The following VPS13B variants were observed in gnomAD, a reference collection of about 807,000 sequenced individuals.
VPS13B encodes the protein intermembrane lipid transfer protein VPS13B.
In VPS13B, 285 loss-of-function variants were observed where a neutral mutation model predicts 426.4. The observed-to-expected ratio is 0.67, with a 90% CI of 0.61 to 0.74. The LOEUF is 0.74. VPS13B is among the 30% of genes least tolerant of loss of function. The pLI, the probability that VPS13B is intolerant of heterozygous loss-of-function variation, is 0.00. For synonymous variants in VPS13B, 1,676 were observed against 1,676.4 expected (o/e 1.00, Z 0.01); for missense variants, 4,537 against 4,782.6 (o/e 0.95, Z 1.51).
intron 17 of VPS13B, among the ~76,000 whole-genome samples, chr8:99,238,539 C>T (rs905448421): frequency 4.6e-5 from 7 of 151,978 alleles, no homozygotes; most frequent in Non-Finnish European, 1.0e-4. Context: ...AACTTTTCCT[C>T]CAGTGTATTT....
At chr8:99,664,365 A>G (rs1369181128) in intron 35 of VPS13B, among the ~76,000 whole-genome samples, 1 of 150,906 alleles carries the variant, frequency 6.6e-6, no homozygotes, top group Non-Finnish European at 1.5e-5. Flanking sequence ...TTTGCACAAC[A>G]TGCAGGTTTG....
intron 34 of VPS13B, among the ~76,000 whole-genome samples, chr8:99,647,994 G>A (rs549589031): frequency 2.6e-4 from 40 of 152,270 alleles, no homozygotes; most frequent in Admixed American, 2.6e-4. Context: ...AATATACCAA[G>A]GTGACTACTT....
chr8:99,145,624 C>T (rs947615216), intron 13 of VPS13B, among the ~76,000 whole-genome samples: 2 of 106,364 alleles, frequency 1.9e-5, no homozygotes, highest in Admixed American at 1.4e-4. Flanking sequence ...TCTGGAGACT[C>T]ATTCAAGTTG....
chr8:99,431,419 C>A, intron 21 of VPS13B, 118 bp from the exon 22 acceptor site: 1 of 1,283,424 alleles, frequency 7.8e-7, no homozygotes, highest in African/African-American at 1.5e-5. Context: ...AATTCATAAT[C>A]TCATATAAAA....
At chr8:99,442,336 A>G (rs1817716186) in intron 22 of VPS13B, 65 bp from the exon 23 acceptor site, 1 of 1,368,920 alleles carries the variant, frequency 7.3e-7, no homozygotes, top group Non-Finnish European at 1.0e-6. Context: ...TCTGGCGAAG[A>G]TGTTAGGTGT....
intron 40 of VPS13B, among the ~76,000 whole-genome samples, chr8:99,768,173 G>C (rs114149756): frequency 6.6e-6 from 1 of 152,248 alleles, no homozygotes; most frequent in South Asian, 2.1e-4. Flanking sequence ...AGGCTATGCT[G>C]TTCATTGCTG....
chr8:99,368,831 A>G lies in VPS13B; in HGVS notation c.2825-15377A>G, dbSNP rs549821953. Among the ~76,000 whole-genome samples, 48 of 152,338 alleles carry G rather than the reference A, an allele frequency of 3.2e-4. No individual in the cohort carries two copies. In the South Asian group the frequency reaches 9.1e-3, roughly 29 times the overall value. ...TAGTTGTATTTCATGCTCCCAGAAT[A>G]AAAGATTAACTCCCTAGAATGGGCA... On this transcript the variant is annotated intron_variant, in intron 19 of 61. Transcript: ENST00000357162.
At chr8:99,095,308 A>T (rs1236583849) in intron 3 of VPS13B, among the ~76,000 whole-genome samples, 1 of 152,128 alleles carries the variant, frequency 6.6e-6, no homozygotes, top group African/African-American at 2.4e-5. Context: ...TCCATCTTAG[A>T]CACTGTATAC....
intron 31 of VPS13B, among the ~76,000 whole-genome samples, chr8:99,574,194 T>C (rs1360454600): frequency 6.6e-6 from 1 of 152,164 alleles, no homozygotes; most frequent in Admixed American, 6.6e-5. Flanking sequence ...CTTAAGGAAA[T>C]TTTGGGCTGA....
intron 43 of VPS13B, chr8:99,804,489 T>C (rs571394027): frequency 2.0e-5 from 3 of 152,336 alleles, no homozygotes; most frequent in East Asian, 1.9e-4. Context: ...GGGGACTGAA[T>C]TGGGGACGGA....
chr8:99,623,153 C>A (rs1828440769), intron 33 of VPS13B, among the ~76,000 whole-genome samples: 1 of 152,174 alleles, frequency 6.6e-6, no homozygotes, highest in Non-Finnish European at 1.5e-5. Flanking sequence ...ACCTCCTCTT[C>A]TACTATGCTG....
intron 30 of VPS13B, among the ~76,000 whole-genome samples, chr8:99,553,974 C>T (rs1183939876): frequency 1.3e-5 from 2 of 151,694 alleles, no homozygotes; most frequent in East Asian, 1.9e-4. Flanking sequence ...GGAAGAAGAA[C>T]CTGTGGGAAA....
chr8:99,555,625 C>T (rs549188119), intron 30 of VPS13B, among the ~76,000 whole-genome samples: 101 of 152,268 alleles, frequency 6.6e-4, no homozygotes, highest in South Asian at 1.5e-3. Context: ...CAAATTCAGG[C>T]AGACTTAAGT....
At chr8:99,085,434 G>C (rs903553500) in intron 3 of VPS13B, among the ~76,000 whole-genome samples, 3 of 152,154 alleles carry the variant, frequency 2.0e-5, no homozygotes, top group African/African-American at 7.2e-5. Flanking sequence ...TCTTTTAAGT[G>C]GAGCATTTAG....
chr8:99,100,838 C>A (rs947634541), intron 4 of VPS13B, among the ~76,000 whole-genome samples: 1 of 151,706 alleles, frequency 6.6e-6, no homozygotes, highest in Non-Finnish European at 1.5e-5. Flanking sequence ...GTCAGGAGTT[C>A]GAGACCAGCC....
intron 6 of VPS13B, among the ~76,000 whole-genome samples, chr8:99,112,540 T>C (rs1847419025): frequency 6.6e-6 from 1 of 152,216 alleles, no homozygotes; most frequent in Non-Finnish European, 1.5e-5. Flanking sequence ...TATATTCTGT[T>C]ACTTTTTCCT....
At chr8:99,837,941 A>G (rs1304092563) in intron 54 of VPS13B, among the ~76,000 whole-genome samples, 1 of 152,182 alleles carries the variant, frequency 6.6e-6, no homozygotes, top group Non-Finnish European at 1.5e-5. Context: ...CAAGGAAGAA[A>G]ACTCCTTTAA....
At chr8:99,706,927 C>A (rs1382159899) in intron 36 of VPS13B, among the ~76,000 whole-genome samples, 1 of 152,050 alleles carries the variant, frequency 6.6e-6, no homozygotes, top group Non-Finnish European at 1.5e-5. Context: ...GGAAATTGCC[C>A]GCTTGTCCAT....
In VPS13B at chr8:99,249,395, G is replaced by C. The variant is rs143428362; in HGVS notation, c.2516-24803G>C. Reference sequence around the variant, plus strand: ...GTTTCTCTGGGACTAATGCCTAAGAGTACAGTTACTGGGCTATACGGTAGT... The same window carrying C: ...GTTTCTCTGGGACTAATGCCTAAGACTACAGTTACTGGGCTATACGGTAGT... On this transcript the variant is annotated intron_variant, in intron 17 of 61. Transcript: ENST00000357162. Among the ~76,000 whole-genome samples, 911 of 149,656 alleles carry C rather than the reference G, an allele frequency of 6.1e-3. 13 individuals are homozygous for C. Among genetic ancestry groups the C allele is most frequent in the African/African-American group, 0.021 (866 of 40,792 alleles).
Sources: gnomAD v4.1 joint callset for allele counts (sites outside exome capture counted in the v4.1 genomes callset) on GRCh38, gnomAD v4.1.1 for gene constraint, MANE v1.5 for transcripts, NCBI Gene and HGNC (gene_info 2026-07-23, HGNC 2026-07-21) for gene names.